Variants in MOB1B observed in about 807,000 individuals in gnomAD.
MOB1B encodes MOB kinase activator 1B.
MOB1B carries 19 observed loss-of-function variants against 24.4 expected under a neutral mutation model. The ratio of observed to expected loss-of-function variants is 0.78; its 90% confidence interval spans 0.54 to 1.14. The LOEUF (loss-of-function observed/expected upper bound fraction) is 1.14, where lower values mean the gene tolerates loss of function less well. MOB1B is among the 50% of genes most tolerant of loss of function. The pLI is 0.00. For synonymous variants in MOB1B, 76 were observed against 82.1 expected (o/e 0.93, Z 0.40); for missense variants, 243 against 259.6 (o/e 0.94, Z 0.44).
chr4:70,915,652 C>T (rs1736165798), intron 1 of MOB1B, among the ~76,000 whole-genome samples: 1 of 152,118 alleles, frequency 6.6e-6, no homozygotes, highest in African/African-American at 2.4e-5. Context: ...TCCGTGCCTT[C>T]AGGCCCTATT....
At chr4:70,938,560 T>G (rs1258584010) in intron 1 of MOB1B, among the ~76,000 whole-genome samples, 3 of 152,000 alleles carry the variant, frequency 2.0e-5, no homozygotes, top group Admixed American at 6.6e-5. Flanking sequence ...GCTTTCAGTT[T>G]TTCCTCAGGG....
At chr4:70,974,867 A>G (rs1738912852) in intron 3 of MOB1B, among the ~76,000 whole-genome samples, 2 of 152,224 alleles carry the variant, frequency 1.3e-5, no homozygotes, top group Non-Finnish European at 2.9e-5. Context: ...TTCTACTACA[A>G]TAATGTCTGA....
At chr4:70,918,085 A>G (rs904457572) in intron 1 of MOB1B, among the ~76,000 whole-genome samples, 17 of 152,202 alleles carry the variant, frequency 1.1e-4, no homozygotes, top group African/African-American at 4.1e-4. Flanking sequence ...CCTAAAGAAG[A>G]TTGAACATAA....
intron 1 of MOB1B, among the ~76,000 whole-genome samples, chr4:70,904,881 T>C (rs1031706692): frequency 5.3e-5 from 8 of 152,250 alleles, no homozygotes; most frequent in Non-Finnish European, 1.0e-4. Flanking sequence ...TTTACATGGC[T>C]CAGTATTTAA....
chr4:70,944,245 G>A (rs1471781130), intron 1 of MOB1B, among the ~76,000 whole-genome samples: 2 of 152,170 alleles, frequency 1.3e-5, no homozygotes, highest in African/African-American at 4.8e-5. Context: ...ATGCTGGCCA[G>A]GCTGGTCTCA....
chr4:70,923,434 C>T (rs1371888993), intron 1 of MOB1B, among the ~76,000 whole-genome samples: 3 of 152,126 alleles, frequency 2.0e-5, no homozygotes, highest in African/African-American at 7.2e-5. Flanking sequence ...AACTCCTGGG[C>T]TCAAGCGAAC....
chr4:70,954,406 A>G (rs1240152200), intron 1 of MOB1B, among the ~76,000 whole-genome samples: 2 of 152,192 alleles, frequency 1.3e-5, no homozygotes, highest in African/African-American at 2.4e-5. Flanking sequence ...GATGTGTGTC[A>G]AAGTTGGCCT....
intron 1 of MOB1B, among the ~76,000 whole-genome samples, chr4:70,957,725 T>C (rs1050355678): frequency 6.6e-5 from 10 of 151,364 alleles, no homozygotes; most frequent in African/African-American, 2.4e-4. Context: ...ATTACCAGTG[T>C]AAGTCACCAC....
intron 1 of MOB1B, among the ~76,000 whole-genome samples, chr4:70,908,227 A>T (rs1206022648): frequency 6.7e-6 from 1 of 149,100 alleles, no homozygotes; most frequent in African/African-American, 2.5e-5. Context: ...ACAGGGTTTC[A>T]CCGTGTTAGT....
intron 1 of MOB1B, among the ~76,000 whole-genome samples, chr4:70,947,294 G>A (rs1309208549): frequency 1.3e-5 from 2 of 152,166 alleles, no homozygotes; most frequent in Non-Finnish European, 2.9e-5. Context: ...TTTAGAATCA[G>A]GGTCTCACTC....
chr4:70,978,967 T>C (rs1739102284), intron 4 of MOB1B, among the ~76,000 whole-genome samples, 161 bp from the exon 5 acceptor site: 1 of 152,218 alleles, frequency 6.6e-6, no homozygotes, highest in Non-Finnish European at 1.5e-5. Context: ...ATTCATGACA[T>C]GTTGAGAACT....
At chr4:70,969,785 C>A (rs987476941) in intron 2 of MOB1B, 146 bp from the exon 3 acceptor site, 194 of 372,974 alleles carry the variant, frequency 5.2e-4, no homozygotes, top group East Asian at 6.4e-4. Context: ...CTCCTCATTT[C>A]AATGTATTGA....
intron 1 of MOB1B, among the ~76,000 whole-genome samples, chr4:70,916,984 T>C (rs947011664): frequency 1.3e-5 from 2 of 152,224 alleles, no homozygotes; most frequent in Non-Finnish European, 2.9e-5. Flanking sequence ...CACAGGAGAA[T>C]TTAAAGTCTG....
intron 1 of MOB1B, 44 bp from the exon 2 acceptor site, chr4:70,958,830 A>G (rs1378778340): frequency 1.3e-6 from 2 of 1,518,910 alleles, no homozygotes; most frequent in Non-Finnish European, 1.8e-6. Flanking sequence ...ATTGAATGTC[A>G]TGCCTTAAAT....
chr4:70,937,536 G>T (rs1737134087), intron 1 of MOB1B, among the ~76,000 whole-genome samples: 1 of 150,590 alleles, frequency 6.6e-6, no homozygotes, highest in Non-Finnish European at 1.5e-5. Flanking sequence ...CTTTGAGATG[G>T]AGTCTCACTT....
At chr4:70,970,117 T>G in intron 3 of MOB1B, 93 bp downstream of exon 3, 1 of 704,004 alleles carries the variant, frequency 1.4e-6, no homozygotes, top group Admixed American at 2.8e-5. Context: ...TTTTTCTACT[T>G]ATCGTCTCTT....
intron 2 of MOB1B, among the ~76,000 whole-genome samples, chr4:70,959,263 C>T (rs1010834282): frequency 6.6e-6 from 1 of 152,174 alleles, no homozygotes; most frequent in African/African-American, 2.4e-5. Flanking sequence ...GGCTGGAGTA[C>T]AGTGGCTCAG....
intron 4 of MOB1B, among the ~76,000 whole-genome samples, chr4:70,978,719 A>G (rs1246489429): frequency 6.6e-6 from 1 of 152,212 alleles, no homozygotes; most frequent in African/African-American, 2.4e-5. Flanking sequence ...AAAGTACAAT[A>G]TAAACTGCAA....
chr4:70,927,364 C>A (rs944124574), intron 1 of MOB1B, among the ~76,000 whole-genome samples: 26 of 151,984 alleles, frequency 1.7e-4, no homozygotes, highest in Admixed American at 1.6e-3. Context: ...CATGATGAAA[C>A]CCCCGTCTCT....
Sources: gnomAD v4.1 joint callset for allele counts (sites outside exome capture counted in the v4.1 genomes callset) on GRCh38, gnomAD v4.1.1 for gene constraint, MANE v1.5 for transcripts, NCBI Gene and HGNC (gene_info 2026-07-23, HGNC 2026-07-21) for gene names.